GNE: variants seen among roughly 807,000 people sequenced by gnomAD.
GNE encodes the protein bifunctional UDP-N-acetylglucosamine 2-epimerase/N-acetylmannosamine kinase.
In GNE, 41 loss-of-function variants were observed where a neutral mutation model predicts 61.8. That is an observed-to-expected ratio of 0.66 (90% CI 0.52 to 0.86). The LOEUF (loss-of-function observed/expected upper bound fraction) is 0.86, where lower values mean the gene tolerates loss of function less well. Ranked by LOEUF, GNE falls within the 40% of genes least tolerant of loss-of-function variation. The probability of loss-of-function intolerance (pLI) is 0.00; values close to 1 mark genes in which losing one functional copy is unlikely to be tolerated. For synonymous variants in GNE, 264 were observed against 326.4 expected (o/e 0.81, Z 2.06); for missense variants, 608 against 909.1 (o/e 0.67, Z 4.26).
intron 1 of GNE, among the ~76,000 whole-genome samples, chr9:36,256,895 C>T (rs1480357756): frequency 6.6e-6 from 1 of 152,186 alleles, no homozygotes; most frequent in Non-Finnish European, 1.5e-5. Context: ...AATTTACTTG[C>T]CCCAAATCAC....
upstream of GNE, among the ~76,000 whole-genome samples, chr9:36,260,583 A>G (rs544954299): frequency 5.6e-3 from 845 of 152,112 alleles, 9 homozygotes; most frequent in African/African-American, 0.019. Flanking sequence ...AAAACAACAC[A>G]AATTGGCCAG....
intron 1 of GNE, among the ~76,000 whole-genome samples, chr9:36,253,931 G>A (rs1171616720): frequency 6.6e-6 from 1 of 152,098 alleles, no homozygotes; most frequent in African/African-American, 2.4e-5. Flanking sequence ...CCAGCACTGA[G>A]GAGGCTGTGG....
At chr9:36,268,437 G>C (rs772753804) in intron 1 of GNE, among the ~76,000 whole-genome samples, 3 of 152,084 alleles carry the variant, frequency 2.0e-5, no homozygotes, top group Non-Finnish European at 4.4e-5. Context: ...AGGCTGAGTC[G>C]GGTGGATTGC....
chr9:36,273,692 C>G (rs185193000), intron 1 of GNE, among the ~76,000 whole-genome samples: 4 of 146,916 alleles, frequency 2.7e-5, no homozygotes, highest in African/African-American at 7.6e-5. Flanking sequence ...GAGTCTCACT[C>G]TGTTGCCCAG....
chr9:36,243,708 G>A lies in GNE; in HGVS notation c.616+2323C>T, dbSNP rs148896606. ...AAAATTTTAAAAATTAGCTGGGCATGGTGGTACATGCCTGTAGTCCCAGCT... is the reference window on the plus strand; with the variant it reads ...AAAATTTTAAAAATTAGCTGGGCATAGTGGTACATGCCTGTAGTCCCAGCT... On this transcript the variant is annotated intron_variant, in intron 3 of 11. Transcript: ENST00000642385. Among the ~76,000 whole-genome samples the A allele has an allele frequency of 2.0e-3, 308 of 152,200 alleles. 2 individuals are homozygous for A. Among genetic ancestry groups the A allele is most frequent in the African/African-American group, 6.8e-3 (284 of 41,520 alleles).
chr9:36,254,488 T>C (rs1363441760), intron 1 of GNE, among the ~76,000 whole-genome samples: 1 of 151,458 alleles, frequency 6.6e-6, no homozygotes, highest in Admixed American at 6.6e-5. Flanking sequence ...GTTATGATCA[T>C]GCCACCGCAC....
chr9:36,270,366 G>A (rs1021733456), intron 1 of GNE, among the ~76,000 whole-genome samples: 2 of 152,046 alleles, frequency 1.3e-5, no homozygotes, highest in Non-Finnish European at 2.9e-5. Flanking sequence ...AATATTTAAT[G>A]TAGAGTTTTT....
rs1272957247 is a variant in GNE at position 36,232,339 on chromosome 9, CCCCCT to C, written c.982+1576_982+1580del. 7.8e-3 allele frequency among the ~76,000 whole-genome samples: 830 copies of C among 106,434 alleles called. 10 individuals are homozygous for C. Among genetic ancestry groups the C allele is most frequent in the African/African-American group, 0.031 (775 of 25,006 alleles). 69.8% of individuals were successfully genotyped at this position (106,434 alleles called of 152,430 possible). A position where few individuals can be genotyped will look rare whatever the true frequency, so the allele number is the denominator to read the frequency against. ...CTGCTTTTATTCTTGCCCCCCCGCCCCCCCTCCCGACATTCCATTCTGTATATTAG... is the reference window on the plus strand; with the variant it reads ...CTGCTTTTATTCTTGCCCCCCCGCCCCCCGACATTCCATTCTGTATATTAG... On this transcript the variant is annotated intron_variant, in intron 5 of 11. Coordinates refer to ENST00000642385, the MANE Select transcript of GNE (RefSeq NM_005476.7).
chr9:36,228,860 T>C (rs1009881567), intron 6 of GNE, among the ~76,000 whole-genome samples, 161 bp downstream of exon 6: 1 of 149,394 alleles, frequency 6.7e-6, no homozygotes, highest in African/African-American at 2.5e-5. Flanking sequence ...ACAGTAATAA[T>C]GGGTATGATA....
intron 3 of GNE, among the ~76,000 whole-genome samples, chr9:36,242,424 C>A (rs891456058): frequency 6.6e-6 from 1 of 152,090 alleles, no homozygotes; most frequent in Non-Finnish European, 1.5e-5. Flanking sequence ...TGGTTATTTG[C>A]TGTTTTTTGT....
intron 7 of GNE, among the ~76,000 whole-genome samples, chr9:36,224,141 C>T (rs1161953911): frequency 6.6e-6 from 1 of 151,616 alleles, no homozygotes; most frequent in Admixed American, 6.6e-5. Flanking sequence ...GTTGACAAAA[C>T]TTTCTTGCTT....
At chr9:36,254,429 G>C (rs1436351690) in intron 1 of GNE, among the ~76,000 whole-genome samples, 1 of 152,038 alleles carries the variant, frequency 6.6e-6, no homozygotes, top group African/African-American at 2.4e-5. Context: ...CTATTTGGGA[G>C]GCTGAGGCAG....
At chr9:36,266,081 G>C (rs1309430769) in intron 1 of GNE, among the ~76,000 whole-genome samples, 1 of 152,116 alleles carries the variant, frequency 6.6e-6, no homozygotes, top group Non-Finnish European at 1.5e-5. Context: ...GGGATTACAG[G>C]CATGCGGTCT....
At chr9:36,235,026 T>G (rs1829333838) in intron 4 of GNE, among the ~76,000 whole-genome samples, 1 of 152,170 alleles carries the variant, frequency 6.6e-6, no homozygotes, top group Non-Finnish European at 1.5e-5. Flanking sequence ...AGAAATATTT[T>G]GGGTTTCAAG....
intron 1 of GNE, among the ~76,000 whole-genome samples, chr9:36,264,652 G>A (rs1035329726): frequency 1.3e-5 from 2 of 152,078 alleles, no homozygotes; most frequent in Non-Finnish European, 1.5e-5. Flanking sequence ...GGATTTCCTA[G>A]GCCGACTAAG....
rs570056783 is a variant in GNE, at chr9:36,218,400, G to A, written c.1817-101C>T. The A allele has an allele frequency of 1.3e-4, 106 of 824,378 alleles. No homozygotes were observed. Among genetic ancestry groups the A allele is most frequent in the Admixed American group, 3.9e-4 (21 of 53,990 alleles). 51.1% of individuals were successfully genotyped at this position (824,378 alleles called of 1,614,324 possible). A position where few individuals can be genotyped will look rare whatever the true frequency, so the allele number is the denominator to read the frequency against. On this transcript the variant is annotated intron_variant, in intron 10 of 11. Coordinates refer to ENST00000642385, the MANE Select transcript of GNE (RefSeq NM_005476.7). The surrounding 1 kb of genome is among the most constrained non-coding windows in gnomAD (Gnocchi z 4.1). ...GCAAGCCCCTACATGGGAAGACGGT[G>A]TTTTCTTTTCACAATTGCAAAGCTT...
chr9:36,216,327 ATGTGTGTGTGTG>A lies in GNE; in HGVS notation c.*1026_*1037del. On this transcript the variant is annotated 3_prime_UTR_variant, in exon 12 of 12. Coordinates refer to ENST00000642385, the MANE Select transcript of GNE (RefSeq NM_005476.7). ...TTAGTTTGGGGTTAGAGGAGGAAGG[ATGTGTGTGTGTG>A]TGTGTGTGTGTGTGTAGACGGAGTC... 4 of 355,724 alleles carry A rather than the reference ATGTGTGTGTGTG, an allele frequency of 1.1e-5. No homozygotes were observed. In the Admixed American group the frequency reaches 1.1e-4, roughly 10 times the overall value. 22.0% of individuals were successfully genotyped at this position (355,724 alleles called of 1,614,324 possible).
At chr9:36,227,529 T>C (rs1828937499) in intron 6 of GNE, 71 bp from the exon 7 acceptor site, 2 of 966,656 alleles carry the variant, frequency 2.1e-6, no homozygotes, top group Admixed American at 1.8e-5. Context: ...GAGGGTATAA[T>C]GTAATGGAAA....
Position 36,217,273 on chromosome 9 carries a change from G to T in GNE, c.*92C>A. On this transcript the variant is annotated 3_prime_UTR_variant, in exon 12 of 12. Transcript: ENST00000642385. ...CAAAGTCACCTGCAGTTCAATACCA[G>T]ATTTGATTGTTAAGAAACGGTCATC... 2 of 876,856 alleles carry T rather than the reference G, an allele frequency of 2.3e-6. No individual in the cohort carries two copies. Among genetic ancestry groups the T allele is most frequent in the Non-Finnish European group, 3.7e-6 (2 of 536,750 alleles). The allele number at this position is 876,856 out of a possible 1,614,324, so 54.3% of individuals were successfully genotyped here. A position where few individuals can be genotyped will look rare whatever the true frequency, so the allele number is the denominator to read the frequency against.
Sources: gnomAD v4.1 joint callset for allele counts (sites outside exome capture counted in the v4.1 genomes callset) on GRCh38, gnomAD v4.1.1 for gene constraint, Gnocchi (gnomAD v3.1) non-coding constraint, MANE v1.5 for transcripts, NCBI Gene and HGNC (gene_info 2026-07-23, HGNC 2026-07-21) for gene names.